The following ARL5A variants were observed in gnomAD, a reference collection of about 807,000 sequenced individuals.
ARL5A encodes ARF like GTPase 5A.
In ARL5A, 18 loss-of-function variants were observed where a neutral mutation model predicts 25.9. The ratio of observed to expected loss-of-function variants is 0.69; its 90% CI spans 0.48 to 1.03. The LOEUF (loss-of-function observed/expected upper bound fraction) is 1.03, where lower values mean the gene tolerates loss of function less well. Among genes scored for constraint, ARL5A ranks in the 50% least tolerant of loss-of-function variants. ARL5A has a pLI of 0.00. For synonymous variants in ARL5A, 61 were observed against 67.5 expected (o/e 0.90, Z 0.47); for missense variants, 170 against 211.9 (o/e 0.80, Z 1.23).
At chr2:151,825,382 T>C (rs2099832910) in intron 1 of ARL5A, among the ~76,000 whole-genome samples, 1 of 152,186 alleles carries the variant, frequency 6.6e-6, no homozygotes, top group South Asian at 2.1e-4. Flanking sequence ...CATATACCAG[T>C]TGCATGGCCT....
At position 151,814,180 on chromosome 2, in the gene ARL5A, T is replaced by C. The variant is rs754007177; in HGVS notation, c.244A>G (p.Thr82Ala). Reference sequence around the variant, plus strand: ...GTAAGAAACATTACCTCTGTGTTAGTATAGTAAGTGTTCCAGGAAGAACGA... The same window carrying C: ...GTAAGAAACATTACCTCTGTGTTAGCATAGTAAGTGTTCCAGGAAGAACGA... ...SLRSSWNTYY[T>A]NTEFVIVVVD... The change falls in exon 3 of 6, where the codon ACT becomes GCT. Residue 82 changes from threonine (T) to alanine (A), a missense_variant. Transcript: ENST00000295087. The C allele has an allele frequency of 1.9e-6, 3 of 1,596,386 alleles. No homozygotes were observed. Among genetic ancestry groups the C allele is most frequent in the South Asian group, 1.1e-5 (1 of 87,532 alleles).
intron 1 of ARL5A, among the ~76,000 whole-genome samples, chr2:151,816,088 C>A (rs372901793): frequency 6.6e-6 from 1 of 152,160 alleles, no homozygotes; most frequent in Non-Finnish European, 1.5e-5. Flanking sequence ...AATGACCAGA[C>A]GTGATTTCTG....
At chr2:151,815,747 TC>T (rs2099831423) in intron 1 of ARL5A, among the ~76,000 whole-genome samples, 1 of 152,042 alleles carries the variant, frequency 6.6e-6, no homozygotes, top group African/African-American at 2.4e-5. Context: ...AGCGACTCCC[TC>T]CCCCCATTTG....
intron 4 of ARL5A, among the ~76,000 whole-genome samples, chr2:151,810,068 G>A (rs900780208): frequency 6.6e-6 from 1 of 152,054 alleles, no homozygotes; most frequent in African/African-American, 2.4e-5. Context: ...GGGCAACAGA[G>A]TAAGACTCTG....
At chr2:151,818,938 CCCATT>C (rs2099831882) in intron 1 of ARL5A, among the ~76,000 whole-genome samples, 1 of 152,100 alleles carries the variant, frequency 6.6e-6, no homozygotes. Context: ...CCGCCTCCAC[CCCATT>C]CCCCCAATGT....
intron 5 of ARL5A, among the ~76,000 whole-genome samples, chr2:151,805,713 A>G (rs536886801): frequency 2.6e-5 from 4 of 152,158 alleles, no homozygotes; most frequent in Non-Finnish European, 5.9e-5. Flanking sequence ...AATAGTAAGA[A>G]CTTTTGTACT....
At chr2:151,805,418 C>T (rs1194703556) in intron 5 of ARL5A, among the ~76,000 whole-genome samples, 1 of 152,116 alleles carries the variant, frequency 6.6e-6, no homozygotes, top group East Asian at 1.9e-4. Flanking sequence ...TTCCTAACAC[C>T]TCAAGAACCT....
At chr2:151,815,071 GATCGACT>G in intron 2 of ARL5A, 61 bp downstream of exon 2, 1 of 1,180,224 alleles carries the variant, frequency 8.5e-7, no homozygotes, top group Non-Finnish European at 1.2e-6. Context: ...TGCATTCATT[GATCGACT>G]ATCACCCAGG....
At chr2:151,809,623 G>T (rs1160736431) in intron 4 of ARL5A, among the ~76,000 whole-genome samples, 8 of 152,124 alleles carry the variant, frequency 5.3e-5, no homozygotes, top group African/African-American at 1.4e-4. Flanking sequence ...GGTGAACAAC[G>T]GTGATCTTTT....
rs1367887985 is a variant in ARL5A at position 151,801,648 on chromosome 2, C to T, written c.*1628G>A. 6.6e-6 allele frequency: 1 copy of T among 152,026 alleles called. No individual in the cohort carries two copies. The highest frequency in any genetic ancestry group is 2.4e-5 in the African/African-American group (1 of 41,410). 9.4% of individuals were successfully genotyped at this position (152,026 alleles called of 1,614,324 possible). On this transcript the variant is annotated 3_prime_UTR_variant, in exon 6 of 6. Coordinates refer to ENST00000295087, the MANE Select transcript of ARL5A (RefSeq NM_012097.4). Reference sequence around the variant, plus strand: ...AATGTTAAATACTGATATCCCATGCCTGACCTGGATTTAGATATTGAGTAT... The same window carrying T: ...AATGTTAAATACTGATATCCCATGCTTGACCTGGATTTAGATATTGAGTAT...
rs185140094 is a variant in ARL5A, at chr2:151,822,947, A to G, written c.46+5184T>C. ...TCATTGCCAGTTTTTAAAAGTTAAT[A>G]TATATTCCCCCAACTCATCAGTCAA... On this transcript the variant is annotated intron_variant, in intron 1 of 5. Coordinates refer to ENST00000295087, the MANE Select transcript of ARL5A (RefSeq NM_012097.4). Among the ~76,000 whole-genome samples the G allele has an allele frequency of 8.5e-4, 129 of 152,366 alleles. No homozygotes were observed. The East Asian group carries it at 9.6e-3, about 11-fold the overall frequency.
Position 151,806,178 on chromosome 2 carries a change from A to G in ARL5A, c.491+643T>C, listed in dbSNP as rs2151291880. Among the ~76,000 whole-genome samples the G allele has an allele frequency of 2.0e-5, 3 of 152,214 alleles. No individual in the cohort carries two copies. The Middle Eastern group carries it at 0.01, about 518-fold the overall frequency. On this transcript the variant is annotated intron_variant, in intron 5 of 5. Transcript: ENST00000295087. ...CTGACCACACCACTTCCTTCTTGAA[A>G]TACTTTCATCTCTGGGTGCTAGACA...
At chr2:151,824,454 C>G (rs898061713) in intron 1 of ARL5A, among the ~76,000 whole-genome samples, 3 of 151,280 alleles carry the variant, frequency 2.0e-5, no homozygotes, top group African/African-American at 7.3e-5. Flanking sequence ...TCCATATGTA[C>G]TCTTCTCTAC....
intron 1 of ARL5A, among the ~76,000 whole-genome samples, chr2:151,826,335 T>C (rs2099833052): frequency 6.6e-6 from 1 of 152,174 alleles, no homozygotes; most frequent in African/African-American, 2.4e-5. Context: ...AAATGTCCCG[T>C]CAAAAATTAC....
At chr2:151,812,061 T>C (rs2099830917) in intron 4 of ARL5A, among the ~76,000 whole-genome samples, 1 of 152,192 alleles carries the variant, frequency 6.6e-6, no homozygotes, top group South Asian at 2.1e-4. Context: ...AATTAATCTA[T>C]TCAAAATGCA....
At chr2:151,821,916 C>G (rs964538229) in intron 1 of ARL5A, among the ~76,000 whole-genome samples, 1 of 151,010 alleles carries the variant, frequency 6.6e-6, no homozygotes, top group Non-Finnish European at 1.5e-5. Context: ...ATGGCATGAT[C>G]TCGGCTCACT....
At position 151,815,168 on chromosome 2, in the gene ARL5A, A is replaced by G; in HGVS notation, c.78T>C (p.Asn26=). The G allele has an allele frequency of 6.2e-7, 1 of 1,608,254 alleles. No homozygotes were observed. Among genetic ancestry groups the G allele is most frequent in the Non-Finnish European group, 8.5e-7 (1 of 1,177,518 alleles). The part of the protein sequence containing the change: ...EHKVIIVGLD[N]AGKTTILYQF... Reference sequence around the variant, plus strand: ...GGTAAAGAATGGTAGTTTTCCCTGCATTATCCAGCCCAACAATGATAACTT... The same window carrying G: ...GGTAAAGAATGGTAGTTTTCCCTGCGTTATCCAGCCCAACAATGATAACTT... Residue 26 remains asparagine, a synonymous_variant, in exon 2 of 6, where the codon AAT becomes AAC. Transcript: ENST00000295087.
chr2:151,814,967 C>A (rs957465915), intron 2 of ARL5A, among the ~76,000 whole-genome samples, 172 bp downstream of exon 2: 4 of 152,122 alleles, frequency 2.6e-5, no homozygotes, highest in African/African-American at 9.7e-5. Flanking sequence ...ATATAAATTT[C>A]TTGCTTTCTA....
rs182351649 is a variant in ARL5A at position 151,802,235 on chromosome 2, T to C, written c.*1041A>G. ...CTTTTACTCTGAAATTCACTTTAAC[T>C]GCTTGACATATAATTTAATACTTAA... On this transcript the variant is annotated 3_prime_UTR_variant, in exon 6 of 6. Transcript: ENST00000295087. The C allele has an allele frequency of 1.3e-3, 192 of 152,280 alleles. 3 individuals carry two copies. In the East Asian group the frequency reaches 0.033, roughly 26 times the overall value. 9.4% of individuals were successfully genotyped at this position (152,280 alleles called of 1,614,324 possible).
Sources: gnomAD v4.1 joint callset for allele counts (sites outside exome capture counted in the v4.1 genomes callset) on GRCh38, gnomAD v4.1.1 for gene constraint, MANE v1.5 for transcripts, NCBI Gene and HGNC (gene_info 2026-07-23, HGNC 2026-07-21) for gene names.